Variants in EPHA3 observed in about 807,000 individuals in gnomAD.
EPHA3 encodes the protein EPH receptor A3.
Under a neutral mutation model 107.1 loss-of-function variants are expected in EPHA3, and 42 were observed. The observed-to-expected ratio is 0.39, with a 90% CI of 0.31 to 0.51. The LOEUF is 0.51. Ranked by LOEUF, EPHA3 falls within the 20% of genes least tolerant of loss-of-function variation. EPHA3 has a pLI of 0.78. For synonymous variants in EPHA3, 461 were observed against 424.8 expected, an observed-to-expected ratio of 1.09 and a Z score of -1.05; for missense variants, 1,183 against 1,211.2, an observed-to-expected ratio of 0.98 and a Z score of 0.35.
chr3:89,391,848 C>T (rs2107499478), intron 5 of EPHA3, among the ~76,000 whole-genome samples: 1 of 152,086 alleles, frequency 6.6e-6, no homozygotes, highest in Admixed American at 6.6e-5. Flanking sequence ...CAGCTGTATC[C>T]AGAATAGCAA....
At chr3:89,319,744 T>C (rs1164106397) in intron 3 of EPHA3, among the ~76,000 whole-genome samples, 1 of 151,930 alleles carries the variant, frequency 6.6e-6, no homozygotes, top group Non-Finnish European at 1.5e-5. Flanking sequence ...CCATAAAATG[T>C]TAAAATAGCT....
chr3:89,467,191 T>C (rs1710299527), intron 15 of EPHA3, among the ~76,000 whole-genome samples: 1 of 152,164 alleles, frequency 6.6e-6, no homozygotes, highest in Admixed American at 6.6e-5. Flanking sequence ...CTGAAATACA[T>C]TGGGGAAACA....
chr3:89,427,843 A>G (rs1232159547), intron 11 of EPHA3, among the ~76,000 whole-genome samples: 2 of 151,956 alleles, frequency 1.3e-5, no homozygotes, highest in African/African-American at 4.8e-5. Context: ...GCAATGTTAC[A>G]TAATTCTAAT....
Position 89,208,419 on chromosome 3 carries a change from GAAGGAAGAAAGAAAGA to G in EPHA3, c.154-1437_154-1422del, listed in dbSNP as rs1396590513. Reference sequence around the variant, plus strand: ...AAAGAAAAGGAAGGAAGGAAGGAAGGAAGGAAGAAAGAAAGAAAGAAAGAAAGAAAGAAAGAAAGAA... The same window carrying G: ...AAAGAAAAGGAAGGAAGGAAGGAAGGAAGAAAGAAAGAAAGAAAGAAAGAA... On this transcript the variant is annotated intron_variant, in intron 2 of 16. Coordinates refer to ENST00000336596, the MANE Select transcript of EPHA3 (RefSeq NM_005233.6). 8.2e-5 allele frequency among the ~76,000 whole-genome samples: 3 copies of G among 36,576 alleles called. No homozygotes were observed. In the East Asian group the frequency reaches 1.4e-3, roughly 18 times the overall value. The allele number at this position is 36,576 out of a possible 152,430, so 24.0% of individuals were successfully genotyped here.
intron 2 of EPHA3, among the ~76,000 whole-genome samples, chr3:89,170,940 AT>A (rs35361512): frequency 5.8e-4 from 86 of 147,066 alleles, no homozygotes; most frequent in African/African-American, 1.2e-3. Flanking sequence ...CTTTAAAACC[AT>A]TTTTTTTTTT....
intron 2 of EPHA3, among the ~76,000 whole-genome samples, chr3:89,203,556 G>T (rs1305461666): frequency 6.6e-6 from 1 of 151,694 alleles, no homozygotes; most frequent in Non-Finnish European, 1.5e-5. Context: ...GGCAGATCAC[G>T]CGGTCAGGAG....
intron 5 of EPHA3, among the ~76,000 whole-genome samples, chr3:89,353,442 C>T (rs1241820899): frequency 6.6e-6 from 1 of 151,240 alleles, no homozygotes; most frequent in Non-Finnish European, 1.5e-5. Flanking sequence ...ACCTAAAAAT[C>T]AAAGTCTTAA....
chr3:89,345,276 GA>G (rs1388053149), intron 5 of EPHA3, among the ~76,000 whole-genome samples: 1 of 151,294 alleles, frequency 6.6e-6, no homozygotes, highest in African/African-American at 2.4e-5. Flanking sequence ...TGGATGAACT[GA>G]TATCTGAGAA....
intron 12 of EPHA3, among the ~76,000 whole-genome samples, chr3:89,430,691 T>A (rs1484919991): frequency 1.3e-5 from 2 of 152,180 alleles, no homozygotes; most frequent in Non-Finnish European, 2.9e-5. Context: ...TATGAACTAA[T>A]TATTTATGAT....
intron 3 of EPHA3, among the ~76,000 whole-genome samples, chr3:89,242,415 T>G (rs1376482623): frequency 1.3e-5 from 2 of 152,188 alleles, no homozygotes; most frequent in Admixed American, 6.5e-5. Flanking sequence ...TTCTTTTTTG[T>G]TGTTGTTTTT....
chr3:89,384,617 T>C (rs1708579528), intron 5 of EPHA3, among the ~76,000 whole-genome samples: 1 of 152,184 alleles, frequency 6.6e-6, no homozygotes, highest in Non-Finnish European at 1.5e-5. Context: ...ATTAAATGCA[T>C]ATCTGTCTAA....
At chr3:89,389,136 T>C (rs1708677923) in intron 5 of EPHA3, among the ~76,000 whole-genome samples, 1 of 152,058 alleles carries the variant, frequency 6.6e-6, no homozygotes, top group South Asian at 2.1e-4. Flanking sequence ...ATTGATAAGG[T>C]TTTGTAGCTA....
intron 15 of EPHA3, among the ~76,000 whole-genome samples, chr3:89,466,905 C>G (rs1055827082): frequency 6.6e-6 from 1 of 151,652 alleles, no homozygotes; most frequent in South Asian, 2.1e-4. Context: ...TTTTACCACA[C>G]GGAGGAATTA....
At chr3:89,472,915 T>C (rs1710436315) in intron 16 of EPHA3, among the ~76,000 whole-genome samples, 1 of 152,148 alleles carries the variant, frequency 6.6e-6, no homozygotes. Flanking sequence ...CACTGCAGAC[T>C]CAAGCCCCTA....
intron 3 of EPHA3, among the ~76,000 whole-genome samples, chr3:89,218,609 G>A (rs1464838042): frequency 1.3e-5 from 2 of 152,004 alleles, no homozygotes; most frequent in Admixed American, 1.3e-4. Flanking sequence ...GTTTGCATGT[G>A]TCTTTATAGC....
chr3:89,128,290 C>A (rs551174877), intron 2 of EPHA3, among the ~76,000 whole-genome samples: 7 of 152,120 alleles, frequency 4.6e-5, no homozygotes, highest in Non-Finnish European at 7.4e-5. Context: ...TGCTTCTCTT[C>A]CTGACACACC....
rs2107182084 is a variant in EPHA3, at chr3:89,210,151, G to C, written c.445G>C (p.Asp149His). 6.2e-7 allele frequency: 1 copy of C among 1,613,984 alleles called. No individual in the cohort carries two copies. Among genetic ancestry groups the C allele is most frequent in the Non-Finnish European group, 8.5e-7 (1 of 1,179,916 alleles). Reference sequence around the variant, plus strand: ...TACAAAGATTGACACCATTGCAGCTGATGAAAGTTTCACTCAAATGGATCT... The same window carrying C: ...TACAAAGATTGACACCATTGCAGCTCATGAAAGTTTCACTCAAATGGATCT... ...QFTKIDTIAA[D>H]ESFTQMDLGD... is the part of the protein sequence containing the mutation. The change falls in exon 3 of 17, where the codon GAT becomes CAT. Residue 149 changes from aspartate (D) to histidine (H), a missense_variant. By Grantham distance (81) the Asp-to-His change is moderately conservative. Coordinates refer to ENST00000336596, the MANE Select transcript of EPHA3 (RefSeq NM_005233.6).
intron 5 of EPHA3, among the ~76,000 whole-genome samples, chr3:89,363,451 C>G (rs1455218890): frequency 6.6e-6 from 1 of 150,780 alleles, no homozygotes; most frequent in African/African-American, 2.4e-5. Flanking sequence ...TTCCCTTGGT[C>G]TTAAGGGTTC....
intron 1 of EPHA3, among the ~76,000 whole-genome samples, chr3:89,111,011 A>G (rs1339900787): frequency 6.6e-6 from 1 of 152,076 alleles, no homozygotes; most frequent in Non-Finnish European, 1.5e-5. Context: ...AGCTCTTTAT[A>G]TTGAAAATAG....
Sources: gnomAD v4.1 joint callset for allele counts (sites outside exome capture counted in the v4.1 genomes callset) on GRCh38, gnomAD v4.1.1 for gene constraint, MANE v1.5 for transcripts, NCBI Gene and HGNC (gene_info 2026-07-23, HGNC 2026-07-21) for gene names.